YWHAG: variants seen among roughly 807,000 people sequenced by gnomAD.
YWHAG encodes the protein tyrosine 3-monooxygenase/tryptophan 5-monooxygenase activation protein gamma, also known as 14-3-3 protein gamma.
YWHAG carries 1 observed loss-of-function variant against 23.3 expected under a neutral mutation model. The ratio of observed to expected loss-of-function variants is 0.04; its 90% confidence interval spans 0.02 to 0.20. YWHAG has a LOEUF of 0.20. YWHAG is among the 10% of genes least tolerant of loss of function. The pLI, the probability that YWHAG is intolerant of heterozygous loss-of-function variation, is 1.00. For synonymous variants in YWHAG, 160 were observed against 144.0 expected, an observed-to-expected ratio of 1.11 and a Z score of -0.80; for missense variants, 151 against 338.6, an observed-to-expected ratio of 0.45 and a Z score of 4.35.
chr7:76,350,012 T>C (rs191313451), intron 1 of YWHAG, among the ~76,000 whole-genome samples: 51 of 152,226 alleles, frequency 3.4e-4, no homozygotes, highest in African/African-American at 1.1e-3. Context: ...TCTTCCAAAT[T>C]GGTAAATAAT....
At chr7:76,346,386 G>A (rs984703765) in intron 1 of YWHAG, among the ~76,000 whole-genome samples, 5 of 152,212 alleles carry the variant, frequency 3.3e-5, no homozygotes, top group African/African-American at 1.2e-4. Flanking sequence ...GCTCCCTCTT[G>A]AATGTCAGTT....
At chr7:76,337,622 C>T (rs1803634604) in intron 1 of YWHAG, among the ~76,000 whole-genome samples, 2 of 149,882 alleles carry the variant, frequency 1.3e-5, no homozygotes, top group Non-Finnish European at 3.0e-5. Context: ...GTGGCCTCTG[C>T]CTCCTAGGTT....
intron 1 of YWHAG, among the ~76,000 whole-genome samples, chr7:76,356,215 AG>A (rs1803953246): frequency 6.6e-6 from 1 of 152,250 alleles, no homozygotes; most frequent in Non-Finnish European, 1.5e-5. Flanking sequence ...ATAAACAGGA[AG>A]AAAATTTCTT....
In YWHAG at chr7:76,329,319, C is replaced by T. The variant is rs1803504710; in HGVS notation, c.*258G>A. The stretch of plus-strand genomic sequence containing the variant: ...TAAGTTAAATTAGAGACAGACAGCT[C>T]CACTTGCATGAATCTACAGAACAGT... On this transcript the variant is annotated 3_prime_UTR_variant, in exon 2 of 2. Transcript: ENST00000307630. This position sits in a 1 kb window ranked among gnomAD's most constrained non-coding sequence, Gnocchi z 6.1. The T allele has an allele frequency of 2.2e-6, 1 of 453,252 alleles. No individual in the cohort carries two copies. Among genetic ancestry groups the T allele is most frequent in the African/African-American group, 2.0e-5 (1 of 50,568 alleles). The allele number at this position is 453,252 out of a possible 1,614,324, so 28.1% of individuals were successfully genotyped here.
chr7:76,333,515 T>C (rs767703381), intron 1 of YWHAG, among the ~76,000 whole-genome samples: 1 of 152,256 alleles, frequency 6.6e-6, no homozygotes, highest in African/African-American at 2.4e-5. Context: ...CTACATTTCC[T>C]AACGATCTCC....
At position 76,329,434 on chromosome 7, in the gene YWHAG, C is replaced by T. The variant is rs140844951; in HGVS notation, c.*143G>A. 8.4e-4 allele frequency: 925 copies of T among 1,098,374 alleles called. 4 individuals are homozygous for T. In the African/African-American group the frequency reaches 0.013, roughly 15 times the overall value. 68.0% of individuals were successfully genotyped at this position (1,098,374 alleles called of 1,614,324 possible). On this transcript the variant is annotated 3_prime_UTR_variant, in exon 2 of 2. Transcript: ENST00000307630. The surrounding 1 kb of genome is among the most constrained non-coding windows in gnomAD (Gnocchi z 6.1). Reference sequence around the variant, plus strand: ...TATTTTGGCAAAAATGTCAAAGAGGCGATCAAAGACAGGACAGGTCGTGGG... The same window carrying T: ...TATTTTGGCAAAAATGTCAAAGAGGTGATCAAAGACAGGACAGGTCGTGGG...
Position 76,358,902 on chromosome 7 carries a change from G to T in YWHAG, c.-94C>A. ...CGACTGGAGCCCAAGTGCCGGAGAG[G>T]ACCGACCCACAGAGCGAGCAGCTGA... On this transcript the variant is annotated 5_prime_UTR_variant, in exon 1 of 2. Transcript: ENST00000307630. 8.1e-7 allele frequency: 1 copy of T among 1,241,092 alleles called. No individual in the cohort carries two copies. Among genetic ancestry groups the T allele is most frequent in the Non-Finnish European group, 1.1e-6 (1 of 914,854 alleles). 76.9% of individuals were successfully genotyped at this position (1,241,092 alleles called of 1,614,324 possible). A position where few individuals can be genotyped will look rare whatever the true frequency, so the allele number is the denominator to read the frequency against.
Position 76,327,668 on chromosome 7 carries a change from G to GCCCCCCCCCCCCCCCCCCCCCCCCC in YWHAG, c.*1908_*1909insGGGGGGGGGGGGGGGGGGGGGGGGG, listed in dbSNP as rs71085403. 19 of 47,110 alleles carry GCCCCCCCCCCCCCCCCCCCCCCCCC rather than the reference G, an allele frequency of 4.0e-4. No individual in the cohort carries two copies. The highest frequency in any genetic ancestry group is 6.3e-4 in the African/African-American group (5 of 7,896). 2.9% of individuals were successfully genotyped at this position (47,110 alleles called of 1,614,324 possible). On this transcript the variant is annotated 3_prime_UTR_variant, in exon 2 of 2. Transcript: ENST00000307630. ...AATTAGGGAAAGCCCCACCTACCCT[G>GCCCCCCCCCCCCCCCCCCCCCCCCC]CCCCCCCCCCCCTCCCCCCCCAAAT... is the stretch of plus-strand genomic sequence containing the variant.
chr7:76,333,503 G>A (rs1412551757), intron 1 of YWHAG, among the ~76,000 whole-genome samples: 2 of 152,238 alleles, frequency 1.3e-5, no homozygotes, highest in African/African-American at 4.8e-5. Context: ...CACAGGGGAT[G>A]TCTACATTTC....
intron 1 of YWHAG, among the ~76,000 whole-genome samples, chr7:76,334,336 G>C (rs940939573): frequency 6.6e-5 from 10 of 152,180 alleles, no homozygotes; most frequent in African/African-American, 2.2e-4. Flanking sequence ...AATCAAGACA[G>C]AATGACAGAA....
intron 1 of YWHAG, among the ~76,000 whole-genome samples, chr7:76,332,995 G>A (rs1161776778): frequency 6.6e-6 from 1 of 150,862 alleles, no homozygotes; most frequent in Non-Finnish European, 1.5e-5. Flanking sequence ...TTTAGAGATG[G>A]GGTCTCACTA....
rs1003749340 is a variant in YWHAG, at chr7:76,345,997, T to A, written c.87+12725A>T. Among the ~76,000 whole-genome samples, 113 of 152,196 alleles carry A rather than the reference T, an allele frequency of 7.4e-4. 1 individual carries two copies. The highest frequency in any genetic ancestry group is 2.6e-3 in the African/African-American group (108 of 41,450). On this transcript the variant is annotated intron_variant, in intron 1 of 1. Transcript: ENST00000307630. ...AATAAAATAAAAAATAAATGATGCA[T>A]TTCAATCCCACCTCTTCCTGGTTCT...
Position 76,330,155 on chromosome 7 carries a change from G to T in YWHAG, c.166C>A (p.Arg56Ser). The T allele has an allele frequency of 6.2e-7, 1 of 1,613,980 alleles. No individual in the cohort carries two copies. Among genetic ancestry groups the T allele is most frequent in the Non-Finnish European group, 8.5e-7 (1 of 1,180,034 alleles). Reference sequence around the variant, plus strand: ...CTGATGACCCTCCAGGAAGAGCGGCGTGCCCCCACAACGTTCTTGTAGGCC... The same window carrying T: ...CTGATGACCCTCCAGGAAGAGCGGCTTGCCCCCACAACGTTCTTGTAGGCC... ...SVAYKNVVGA[R>S]RSSWRVISSI... Residue 56 changes from arginine to serine, a missense_variant, in exon 2 of 2, where the codon CGC becomes AGC. Transcript: ENST00000307630.
chr7:76,346,027 A>C (rs1010697873), intron 1 of YWHAG, among the ~76,000 whole-genome samples: 2 of 152,218 alleles, frequency 1.3e-5, no homozygotes, highest in Non-Finnish European at 1.5e-5. Flanking sequence ...GGTTCTTTCA[A>C]AATCAAGGTT....
chr7:76,347,052 T>C (rs372530821), intron 1 of YWHAG, among the ~76,000 whole-genome samples: 6 of 151,970 alleles, frequency 3.9e-5, no homozygotes, highest in East Asian at 1.9e-4. Flanking sequence ...TCCCTCAAGT[T>C]TCCCAAAGAC....
intron 1 of YWHAG, among the ~76,000 whole-genome samples, chr7:76,348,238 A>C (rs934127116): frequency 6.6e-6 from 1 of 151,910 alleles, no homozygotes; most frequent in Non-Finnish European, 1.5e-5. Flanking sequence ...GAAAAAACAA[A>C]AACTTAAAAC....
At chr7:76,342,714 C>G (rs1047049162) in intron 1 of YWHAG, among the ~76,000 whole-genome samples, 1 of 152,136 alleles carries the variant, frequency 6.6e-6, no homozygotes, top group South Asian at 2.1e-4. Flanking sequence ...TTCGAACCTC[C>G]GCTGGGCTAC....
In YWHAG at chr7:76,335,214, C is replaced by CGTAG. The variant is rs1803599636; in HGVS notation, c.88-4982_88-4981insCTAC. ...CTGGGATTACAGGCGTGTGCCACTA[C>CGTAG]GCCCAGCTAATTTTTGTACTTTTAA... On this transcript the variant is annotated intron_variant, in intron 1 of 1. Transcript: ENST00000307630. Among the ~76,000 whole-genome samples, 3 of 152,220 alleles carry CGTAG rather than the reference C, an allele frequency of 2.0e-5. No homozygotes were observed. The South Asian group carries it at 6.2e-4, about 32-fold the overall frequency.
Position 76,329,781 on chromosome 7 carries a change from G to A in YWHAG, c.540C>T (p.Ser180=), listed in dbSNP as rs368289861. 1.0e-4 allele frequency: 167 copies of A among 1,613,912 alleles called. No individual in the cohort carries two copies. Among genetic ancestry groups the A allele is most frequent in the Non-Finnish European group, 1.2e-4 (139 of 1,180,024 alleles). The part of the protein sequence containing the change: ...PIRLGLALNY[S]VFYYEIQNAP... ...CGTTCTGGATCTCATAGTAGAAGAC[G>A]GAGTAGTTAAGAGCCAGGCCTAATC... The change falls in exon 2 of 2, where the codon TCC becomes TCT. Residue 180 remains serine, a synonymous_variant. Transcript: ENST00000307630. This position sits in a 1 kb window ranked among gnomAD's most constrained non-coding sequence, Gnocchi z 6.1.
Sources: allele counts gnomAD v4.1 joint callset (sites outside exome capture counted in the v4.1 genomes callset), GRCh38; gene constraint gnomAD v4.1.1; non-coding constraint Gnocchi (gnomAD v3.1); transcripts MANE v1.5; gene names NCBI Gene and HGNC (gene_info 2026-07-23, HGNC 2026-07-21).